Variants in GALNT2 observed in about 807,000 individuals in gnomAD.
GALNT2 encodes the protein polypeptide N-acetylgalactosaminyltransferase 2.
GALNT2 carries 31 observed loss-of-function variants against 81.4 expected under a neutral mutation model. The observed-to-expected ratio is 0.38, with a 90% CI of 0.29 to 0.51. The LOEUF (loss-of-function observed/expected upper bound fraction) is 0.51. GALNT2 is among the 20% of genes least tolerant of loss of function. The pLI is 0.87. For synonymous variants in GALNT2, 303 were observed against 287.4 expected, an observed-to-expected ratio of 1.05 and a Z score of -0.55; for missense variants, 629 against 765.7, an observed-to-expected ratio of 0.82 and a Z score of 2.11.
chr1:230,276,012 A>ATATATACATGCCACATATATATACG (rs71173788), intron 15 of GALNT2, among the ~76,000 whole-genome samples: 12 of 68,140 alleles, frequency 1.8e-4, no homozygotes, highest in Non-Finnish European at 2.5e-4. Flanking sequence ...ATATATACGT[A>ATATATACATGCCACATATATATACG]TATATACATG....
chr1:230,125,423 G>GA (rs1315871818), intron 1 of GALNT2, among the ~76,000 whole-genome samples: 1 of 152,220 alleles, frequency 6.6e-6, no homozygotes, highest in Non-Finnish European at 1.5e-5. Flanking sequence ...GCTGGTGTTT[G>GA]ACAGCGTCAC....
chr1:230,119,687 A>G (rs543106736), intron 1 of GALNT2, among the ~76,000 whole-genome samples: 2 of 152,278 alleles, frequency 1.3e-5, no homozygotes, highest in East Asian at 3.9e-4. Context: ...CATGGGGGAA[A>G]GATAACACCC....
chr1:230,062,852 T>C (rs775405976), upstream of GALNT2, among the ~76,000 whole-genome samples: 1 of 152,228 alleles, frequency 6.6e-6, no homozygotes, highest in Non-Finnish European at 1.5e-5. Context: ...GTCGCTGCTT[T>C]CAATTCCTTT....
At chr1:230,195,794 G>A (rs966185353) in intron 2 of GALNT2, among the ~76,000 whole-genome samples, 2 of 152,124 alleles carry the variant, frequency 1.3e-5, no homozygotes, top group Non-Finnish European at 2.9e-5. Context: ...AGGGAGCGCT[G>A]GGGAGGCACC....
intron 7 of GALNT2, among the ~76,000 whole-genome samples, chr1:230,244,024 C>T (rs1665289341): frequency 6.6e-6 from 1 of 151,754 alleles, no homozygotes; most frequent in Non-Finnish European, 1.5e-5. Context: ...TACATTTGGC[C>T]TTTTTTCACT....
At chr1:230,255,094 G>T in intron 10 of GALNT2, 124 bp from the exon 11 acceptor site, 2 of 1,373,674 alleles carry the variant, frequency 1.5e-6, no homozygotes, top group African/African-American at 2.9e-5. Flanking sequence ...TCCTTCAGCA[G>T]CAGAGGGCAT....
At chr1:230,262,466 C>T in intron 11 of GALNT2, 107 bp from the exon 12 acceptor site, 1 of 886,358 alleles carries the variant, frequency 1.1e-6, no homozygotes. Flanking sequence ...GGAGCTGCTG[C>T]ACACCCAGAG....
At chr1:230,251,896 T>TG (rs892643312) in intron 10 of GALNT2, among the ~76,000 whole-genome samples, 1 of 152,034 alleles carries the variant, frequency 6.6e-6, no homozygotes, top group African/African-American at 2.4e-5. Context: ...ACCCAGAGAC[T>TG]GGGGGGTAGA....
rs1666153931 is a variant in GALNT2, at chr1:230,271,232, A to T, written c.1441-3213A>T. On this transcript the variant is annotated intron_variant, in intron 14 of 15. Transcript: ENST00000366672. This position sits in a 1 kb window ranked among gnomAD's most constrained non-coding sequence, Gnocchi z 4.2. ...AATGTGCTTCTTCCTGGCCCTCTCC[A>T]TCCTGAACGCCATCTGCCTATGGGA... is the stretch of plus-strand genomic sequence containing the variant. 6.6e-6 allele frequency among the ~76,000 whole-genome samples: 1 copy of T among 152,162 alleles called. No homozygotes were observed. Among genetic ancestry groups the T allele is most frequent in the African/African-American group, 2.4e-5 (1 of 41,430 alleles).
At chr1:230,235,345 C>T (rs1239572132) in intron 3 of GALNT2, among the ~76,000 whole-genome samples, 9 of 151,878 alleles carry the variant, frequency 5.9e-5, no homozygotes, top group Non-Finnish European at 1.5e-5. Flanking sequence ...GAATCAGCTT[C>T]TGTGCAGAGG....
chr1:230,175,551 CCCCCTCCTT>C (rs1314818244), intron 1 of GALNT2, among the ~76,000 whole-genome samples: 2 of 125,266 alleles, frequency 1.6e-5, no homozygotes, highest in Non-Finnish European at 3.4e-5. Flanking sequence ...GTCCTCCCCT[CCCCCTCCTT>C]CCCCTCCTCC....
At chr1:230,194,834 G>A (rs928038456) in intron 2 of GALNT2, among the ~76,000 whole-genome samples, 18 of 152,244 alleles carry the variant, frequency 1.2e-4, no homozygotes, top group Non-Finnish European at 2.1e-4. Context: ...CCACCATAGA[G>A]GGGAGCAGAG....
At chr1:230,108,841 T>C (rs775094400) in intron 1 of GALNT2, among the ~76,000 whole-genome samples, 5 of 151,808 alleles carry the variant, frequency 3.3e-5, no homozygotes, top group African/African-American at 7.3e-5. Context: ...TCAGAGACTA[T>C]CCGACCGCAT....
rs752875381 is a variant in GALNT2, at chr1:230,262,642, T to G, written c.1206T>G (p.Ser402=). The change falls in exon 12 of 16, where the codon TCT becomes TCG. Residue 402 remains serine, a synonymous_variant. Coordinates refer to ENST00000366672, the MANE Select transcript of GALNT2 (RefSeq NM_004481.5). The part of the protein sequence containing the change: ...YKNFYYAAVP[S]ARNVPYGNIQ... ...ATTTCTATTATGCAGCAGTGCCTTC[T>G]GCTAGAAACGTTCCTTATGGAAAGT... The G allele has an allele frequency of 6.2e-7, 1 of 1,613,960 alleles. No individual in the cohort carries two copies. The highest frequency in any genetic ancestry group is 8.5e-7 in the Non-Finnish European group (1 of 1,179,890).
intron 1 of GALNT2, among the ~76,000 whole-genome samples, chr1:230,159,253 C>T (rs1001011319): frequency 1.3e-5 from 2 of 152,184 alleles, no homozygotes; most frequent in Non-Finnish European, 2.9e-5. Context: ...ATGATTGCTC[C>T]TTTCTCCGCA....
At chr1:230,195,764 G>A (rs1243307508) in intron 2 of GALNT2, among the ~76,000 whole-genome samples, 3 of 152,242 alleles carry the variant, frequency 2.0e-5, no homozygotes, top group Middle Eastern at 3.4e-3. Context: ...AGATTCCACC[G>A]TGGCTCCTCC....
intron 1 of GALNT2, among the ~76,000 whole-genome samples, chr1:230,118,725 G>A (rs533213411): frequency 7.2e-5 from 11 of 152,162 alleles, no homozygotes; most frequent in African/African-American, 7.2e-5. Flanking sequence ...GCACTGTCTC[G>A]GTGGGAGCAT....
intron 1 of GALNT2, among the ~76,000 whole-genome samples, chr1:230,172,607 G>A (rs527963327): frequency 6.6e-6 from 1 of 152,314 alleles, no homozygotes; most frequent in East Asian, 1.9e-4. Context: ...GATCAATAGT[G>A]CCTAAGGGGC....
chr1:230,233,414 A>G (rs1572115534), intron 3 of GALNT2, among the ~76,000 whole-genome samples: 1 of 152,192 alleles, frequency 6.6e-6, no homozygotes, highest in African/African-American at 2.4e-5. Context: ...GGAGTTCGAG[A>G]CCAGCCTGGC....
Sources: allele counts gnomAD v4.1 joint callset (sites outside exome capture counted in the v4.1 genomes callset), GRCh38; gene constraint gnomAD v4.1.1; non-coding constraint Gnocchi (gnomAD v3.1); transcripts MANE v1.5; gene names NCBI Gene and HGNC (gene_info 2026-07-23, HGNC 2026-07-21).